Variants in TEX9 observed in about 807,000 individuals in gnomAD.
TEX9 encodes the protein testis expressed 9, also known as testis-expressed protein 9.
Under a neutral mutation model 59.6 loss-of-function variants are expected in TEX9, and 74 were observed. The observed-to-expected ratio is 1.24, with a 90% CI of 1.03 to 1.51. The LOEUF (loss-of-function observed/expected upper bound fraction) is 1.51. Among genes scored for constraint, TEX9 ranks in the 40% most tolerant of loss-of-function variants. The probability of loss-of-function intolerance (pLI) is 0.00; values close to 1 mark genes in which losing one functional copy is unlikely to be tolerated. For synonymous variants in TEX9, 186 were observed against 152.2 expected (o/e 1.22, Z -1.64); for missense variants, 522 against 447.8 (o/e 1.17, Z -1.49).
chr15:56,432,122 G>A (rs1197487605), intron 12 of TEX9, among the ~76,000 whole-genome samples: 1 of 152,142 alleles, frequency 6.6e-6, no homozygotes, highest in African/African-American at 2.4e-5. Flanking sequence ...ATAAAGAGGA[G>A]ATACAGGAAA....
chr15:56,267,885 G>C (rs1006878519), intron 1 of TEX9, among the ~76,000 whole-genome samples: 12 of 152,214 alleles, frequency 7.9e-5, no homozygotes, highest in Non-Finnish European at 1.8e-4. Context: ...GTAGCTTGAT[G>C]GGGATGGCAT....
chr15:56,339,323 C>A (rs1036165851), intron 1 of TEX9, among the ~76,000 whole-genome samples: 1 of 135,300 alleles, frequency 7.4e-6, no homozygotes, highest in African/African-American at 2.8e-5. Context: ...GTGGAGGTTG[C>A]AGTAAGCCCT....
chr15:56,314,584 T>A (rs539029313), intron 1 of TEX9, among the ~76,000 whole-genome samples: 1 of 151,930 alleles, frequency 6.6e-6, no homozygotes, highest in Non-Finnish European at 1.5e-5. Context: ...GTGGTCAATT[T>A]TGGAATAGGT....
At chr15:56,437,051 T>C (rs2050737962) in intron 12 of TEX9, among the ~76,000 whole-genome samples, 2 of 152,184 alleles carry the variant, frequency 1.3e-5, no homozygotes, top group South Asian at 2.1e-4. Context: ...TCATTCCTTC[T>C]GAAACTATTC....
At chr15:56,369,491 G>A (rs1018329584) in intron 2 of TEX9, among the ~76,000 whole-genome samples, 8 of 151,884 alleles carry the variant, frequency 5.3e-5, no homozygotes, top group African/African-American at 1.9e-4. Flanking sequence ...TAACATGCCT[G>A]GCTAATTTTT....
chr15:56,315,193 A>T (rs2045724474), intron 1 of TEX9, among the ~76,000 whole-genome samples: 1 of 142,492 alleles, frequency 7.0e-6, no homozygotes, highest in Non-Finnish European at 1.5e-5. Context: ...TCCTGTCATT[A>T]TGATGTTAGC....
intron 1 of TEX9, among the ~76,000 whole-genome samples, chr15:56,279,099 T>G (rs1405725446): frequency 6.6e-6 from 1 of 152,166 alleles, no homozygotes; most frequent in Non-Finnish European, 1.5e-5. Flanking sequence ...ATATATATAT[T>G]TTTAACTTTA....
chr15:56,300,293 G>A (rs181477578), intron 1 of TEX9, among the ~76,000 whole-genome samples: 1 of 151,658 alleles, frequency 6.6e-6, no homozygotes, highest in East Asian at 2.0e-4. Flanking sequence ...GGGAAGGAGA[G>A]GGAAGAGTGA....
rs1294669860 is a variant in TEX9, at chr15:56,428,363, A to T, written c.1099-4A>T. The T allele has an allele frequency of 6.2e-7, 1 of 1,608,268 alleles. No homozygotes were observed. Among genetic ancestry groups the T allele is most frequent in the Non-Finnish European group, 8.5e-7 (1 of 1,176,566 alleles). On this transcript the variant is annotated splice_polypyrimidine_tract_variant and splice_region_variant and intron_variant, in intron 11 of 12. Coordinates refer to ENST00000352903, the Ensembl canonical transcript of TEX9. The stretch of plus-strand genomic sequence containing the variant: ...TCAGACAATATTGATTTTTTTTTTA[A>T]CAGATGCATATTGAAGCTGCCAAGA...
intron 10 of TEX9, among the ~76,000 whole-genome samples, chr15:56,426,756 G>A (rs574984626): frequency 1.3e-5 from 2 of 150,066 alleles, no homozygotes; most frequent in East Asian, 3.9e-4. Context: ...TTTTCCTTTT[G>A]TATGAATGAC....
chr15:56,270,474 C>G (rs1485766512), intron 1 of TEX9, among the ~76,000 whole-genome samples: 2 of 152,106 alleles, frequency 1.3e-5, no homozygotes, highest in African/African-American at 4.8e-5. Flanking sequence ...GCAACCCCTG[C>G]TTTTTTCTTG....
chr15:56,365,303 C>G, upstream of TEX9: 2 of 1,108,862 alleles, frequency 1.8e-6, no homozygotes, highest in Non-Finnish European at 2.5e-6. Flanking sequence ...GAGCAAAGGC[C>G]GAGCCCGCTG....
chr15:56,399,358 T>A (rs1310627857), intron 9 of TEX9, among the ~76,000 whole-genome samples: 3 of 152,216 alleles, frequency 2.0e-5, no homozygotes, highest in African/African-American at 4.8e-5. Context: ...TGCTCACTGC[T>A]AGTGCAGCAG....
At chr15:56,292,423 G>A (rs1290059264) in intron 1 of TEX9, among the ~76,000 whole-genome samples, 1 of 152,154 alleles carries the variant, frequency 6.6e-6, no homozygotes, top group Non-Finnish European at 1.5e-5. Flanking sequence ...TGGTATTCAG[G>A]TGATCCCCTA....
chr15:56,358,155 G>C (rs2046719198), intron 1 of TEX9, among the ~76,000 whole-genome samples: 1 of 152,236 alleles, frequency 6.6e-6, no homozygotes, highest in South Asian at 2.1e-4. Context: ...TATTGCTGTT[G>C]ATGTAAGCCT....
chr15:56,441,713 C>T (rs149661771), intron 12 of TEX9, among the ~76,000 whole-genome samples: 216 of 152,156 alleles, frequency 1.4e-3, no homozygotes, highest in African/African-American at 5.0e-3. Context: ...AAATTAACAA[C>T]CCTATTTAAA....
downstream of TEX9, chr15:56,447,117 A>G (rs1025595009): frequency 1.9e-5 from 10 of 534,202 alleles, no homozygotes; most frequent in African/African-American, 1.7e-4. Context: ...TTAGGGCATT[A>G]GGGCTTACAT....
intron 1 of TEX9, among the ~76,000 whole-genome samples, chr15:56,333,697 A>G (rs531882049): frequency 4.1e-4 from 63 of 152,326 alleles, no homozygotes; most frequent in African/African-American, 1.4e-3. Context: ...AGAGAAAGAA[A>G]TAAAGGATAT....
chr15:56,343,999 A>T (rs2046419607), intron 1 of TEX9, among the ~76,000 whole-genome samples: 1 of 152,196 alleles, frequency 6.6e-6, no homozygotes, highest in Non-Finnish European at 1.5e-5. Flanking sequence ...ATGGCTATCT[A>T]TATAAGATGG....
Sources: allele counts gnomAD v4.1 joint callset (sites outside exome capture counted in the v4.1 genomes callset), GRCh38; gene constraint gnomAD v4.1.1; transcripts MANE v1.5; gene names NCBI Gene and HGNC (gene_info 2026-07-23, HGNC 2026-07-21).